The following RSBN1L variants were observed in gnomAD, a reference collection of about 807,000 sequenced individuals.
RSBN1L encodes the protein round spermatid basic protein 1 like, also known as lysine-specific demethylase RSBN1L.
RSBN1L carries 30 observed loss-of-function variants against 67.7 expected under a neutral mutation model. The ratio of observed to expected loss-of-function variants is 0.44; its 90% confidence interval spans 0.33 to 0.60. The LOEUF is 0.60. RSBN1L is among the 20% of genes least tolerant of loss of function. RSBN1L has a pLI of 0.02. For synonymous variants in RSBN1L, 433 were observed against 387.0 expected, an observed-to-expected ratio of 1.12 and a Z score of -1.39; for missense variants, 992 against 1,031.7, an observed-to-expected ratio of 0.96 and a Z score of 0.53.
intron 1 of RSBN1L, among the ~76,000 whole-genome samples, chr7:77,699,434 G>T (rs936112376): frequency 1.3e-5 from 2 of 152,174 alleles, no homozygotes; most frequent in African/African-American, 2.4e-5. Flanking sequence ...TTTTACATTG[G>T]TGACCATTCT....
intron 1 of RSBN1L, among the ~76,000 whole-genome samples, chr7:77,703,477 G>GTTGTTTT (rs1790845776): frequency 4.9e-5 from 3 of 61,574 alleles, no homozygotes; most frequent in African/African-American, 2.0e-4. Context: ...TACTGTTTGG[G>GTTGTTTT]TTTTTTTTTT....
chr7:77,704,815 C>T (rs1431437411), intron 1 of RSBN1L, among the ~76,000 whole-genome samples: 1 of 151,936 alleles, frequency 6.6e-6, no homozygotes, highest in Non-Finnish European at 1.5e-5. Flanking sequence ...CCTGTCTCTA[C>T]CAAAAATACA....
intron 3 of RSBN1L, among the ~76,000 whole-genome samples, chr7:77,757,671 C>G (rs892034524): frequency 6.6e-6 from 1 of 152,218 alleles, no homozygotes; most frequent in African/African-American, 2.4e-5. Context: ...ATTCTTATGT[C>G]TGATGATTGG....
chr7:77,726,867 A>G (rs1791210687), intron 1 of RSBN1L, among the ~76,000 whole-genome samples: 1 of 137,786 alleles, frequency 7.3e-6, no homozygotes, highest in Non-Finnish European at 1.5e-5. Flanking sequence ...TGCAACCTCC[A>G]CATTCCTGGG....
chr7:77,739,768 T>TTTTTTTA (rs1791384857), intron 2 of RSBN1L, among the ~76,000 whole-genome samples: 1 of 101,986 alleles, frequency 9.8e-6, no homozygotes, highest in East Asian at 2.8e-4. Flanking sequence ...TTTTTTTTTT[T>TTTTTTTA]GAGAGGAGTC....
At chr7:77,710,139 G>C (rs1231561208) in intron 1 of RSBN1L, among the ~76,000 whole-genome samples, 1 of 152,102 alleles carries the variant, frequency 6.6e-6, no homozygotes, top group Non-Finnish European at 1.5e-5. Context: ...CAGGATTATT[G>C]CACAGTTGCC....
chr7:77,740,605 ATATAAATTT>A, intron 2 of RSBN1L, among the ~76,000 whole-genome samples: 1 of 152,236 alleles, frequency 6.6e-6, no homozygotes, highest in Non-Finnish European at 1.5e-5. Flanking sequence ...AGAAAGATAG[ATATAAATTT>A]TATAAATTTT....
chr7:77,761,960 C>G (rs1791701969), intron 3 of RSBN1L, among the ~76,000 whole-genome samples: 1 of 152,068 alleles, frequency 6.6e-6, no homozygotes, highest in Non-Finnish European at 1.5e-5. Flanking sequence ...TTTGGAAGAT[C>G]ATTGCCGTTT....
intron 3 of RSBN1L, among the ~76,000 whole-genome samples, chr7:77,760,467 C>G (rs1791684877): frequency 6.6e-6 from 1 of 152,026 alleles, no homozygotes; most frequent in African/African-American, 2.4e-5. Flanking sequence ...CTGAAGGCCA[C>G]TATTTAAATA....
At chr7:77,719,005 A>G (rs756267345) in intron 1 of RSBN1L, among the ~76,000 whole-genome samples, 45 of 152,138 alleles carry the variant, frequency 3.0e-4, no homozygotes, top group Non-Finnish European at 3.7e-4. Flanking sequence ...ACCATTCCAC[A>G]TGGTCTGTTA....
intron 2 of RSBN1L, among the ~76,000 whole-genome samples, chr7:77,736,906 T>G (rs1023471200): frequency 3.9e-5 from 6 of 152,222 alleles, no homozygotes; most frequent in Non-Finnish European, 8.8e-5. Flanking sequence ...GTGATCTTCT[T>G]AAAAATATTT....
intron 4 of RSBN1L, 71 bp downstream of exon 4, chr7:77,765,703 C>G: frequency 1.8e-6 from 2 of 1,101,224 alleles, no homozygotes; most frequent in East Asian, 2.5e-5. Flanking sequence ...TATGAGTAAT[C>G]TAAATTGTGA....
In RSBN1L at chr7:77,715,390, G is replaced by A. The variant is rs544943441; in HGVS notation, c.586+18335G>A. Among the ~76,000 whole-genome samples the A allele has an allele frequency of 4.4e-4, 67 of 152,232 alleles. 2 individuals are homozygous for A. The South Asian group carries it at 0.013, about 30-fold the overall frequency. On this transcript the variant is annotated intron_variant, in intron 1 of 7. Coordinates refer to ENST00000334955, the MANE Select transcript of RSBN1L (RefSeq NM_198467.3). Reference sequence around the variant, plus strand: ...TTGTCGCCCAGGCTGGAGTGTAGTGGTGTGATCTCGGCTAGGTGATTCTTG... The same window carrying A: ...TTGTCGCCCAGGCTGGAGTGTAGTGATGTGATCTCGGCTAGGTGATTCTTG...
chr7:77,762,863 C>T (rs1387331290), intron 3 of RSBN1L, among the ~76,000 whole-genome samples: 1 of 151,944 alleles, frequency 6.6e-6, no homozygotes, highest in African/African-American at 2.4e-5. Context: ...CTTTTTAAAA[C>T]TACTAGATAA....
chr7:77,737,423 A>G (rs1450537168), intron 2 of RSBN1L, among the ~76,000 whole-genome samples: 1 of 152,248 alleles, frequency 6.6e-6, no homozygotes, highest in East Asian at 1.9e-4. Context: ...CTGGTAGTTT[A>G]TATTATCTAA....
rs560481939 is a variant in RSBN1L, at chr7:77,747,914, G to A, written c.704-1510G>A. Among the ~76,000 whole-genome samples the A allele has an allele frequency of 5.6e-3, 842 of 151,198 alleles. 12 individuals carry two copies. The highest frequency in any genetic ancestry group is 0.019 in the African/African-American group (795 of 40,904). The stretch of plus-strand genomic sequence containing the variant: ...TGCTGGCATCTGCTCAGCTTCTCGG[G>A]GGGGAGCTCAGGAAACTTTCAGTCA... On this transcript the variant is annotated intron_variant, in intron 2 of 7. Coordinates refer to ENST00000334955, the MANE Select transcript of RSBN1L (RefSeq NM_198467.3).
intron 1 of RSBN1L, among the ~76,000 whole-genome samples, chr7:77,712,203 TA>T (rs1383227246): frequency 6.7e-6 from 1 of 148,484 alleles, no homozygotes; most frequent in Non-Finnish European, 1.5e-5. Context: ...CTTAGTGTAT[TA>T]TTTTCACTTA....
At chr7:77,750,316 T>TTTTTTTTTTTA (rs1791540737) in intron 3 of RSBN1L, among the ~76,000 whole-genome samples, 1 of 144,910 alleles carries the variant, frequency 6.9e-6, no homozygotes, top group African/African-American at 2.6e-5. Context: ...TTTTTTTTTT[T>TTTTTTTTTTTA]TTTTTGCAAG....
At chr7:77,698,709 T>A (rs1166969243) in intron 1 of RSBN1L, among the ~76,000 whole-genome samples, 1 of 152,210 alleles carries the variant, frequency 6.6e-6, no homozygotes, top group Admixed American at 6.5e-5. Flanking sequence ...ATATAAACAG[T>A]GATAGGTTTT....
Sources: gnomAD v4.1 joint callset for allele counts (sites outside exome capture counted in the v4.1 genomes callset) on GRCh38, gnomAD v4.1.1 for gene constraint, MANE v1.5 for transcripts, NCBI Gene and HGNC (gene_info 2026-07-23, HGNC 2026-07-21) for gene names.